Variants in GALNTL6 observed in about 807,000 individuals in gnomAD.
GALNTL6 encodes polypeptide N-acetylgalactosaminyltransferase-like 6.
A neutral mutation model predicts 73.7 loss-of-function variants in GALNTL6; 46 were observed. The ratio of observed to expected loss-of-function variants is 0.62; its 90% CI spans 0.49 to 0.80. The LOEUF is 0.80. GALNTL6 is among the 30% of genes least tolerant of loss of function. The pLI is 0.00. For missense variants in GALNTL6, 604 were observed against 755.0 expected (o/e 0.80, Z 2.34); for synonymous variants, 259 against 263.7 (o/e 0.98, Z 0.17).
chr4:171,979,395 A>G (rs1739822590), intron 2 of GALNTL6, among the ~76,000 whole-genome samples: 7 of 152,190 alleles, frequency 4.6e-5, no homozygotes, highest in Admixed American at 3.9e-4. Flanking sequence ...ATGTGAAAGA[A>G]AAAATATCGA....
intron 5 of GALNTL6, among the ~76,000 whole-genome samples, chr4:172,805,056 A>C (rs970757754): frequency 6.6e-6 from 1 of 152,208 alleles, no homozygotes; most frequent in African/African-American, 2.4e-5. Flanking sequence ...GGGAAATTAT[A>C]GAATTAGAAA....
chr4:172,854,185 T>C (rs532049213), intron 7 of GALNTL6, among the ~76,000 whole-genome samples: 37 of 152,262 alleles, frequency 2.4e-4, no homozygotes, highest in African/African-American at 3.6e-4. Flanking sequence ...AGAGGAAGAC[T>C]CCCCTCCTCG....
At chr4:172,860,397 A>G (rs1239404270) in intron 7 of GALNTL6, among the ~76,000 whole-genome samples, 1 of 152,222 alleles carries the variant, frequency 6.6e-6, no homozygotes, top group Non-Finnish European at 1.5e-5. Flanking sequence ...ATTGCTTCCA[A>G]ATACATTAAG....
At chr4:172,790,582 A>G (rs928100654) in intron 5 of GALNTL6, among the ~76,000 whole-genome samples, 3 of 152,180 alleles carry the variant, frequency 2.0e-5, no homozygotes, top group African/African-American at 4.8e-5. Context: ...AGTATGTAGT[A>G]TTTTATCATG....
At chr4:172,266,490 C>A (rs1738456317) in intron 3 of GALNTL6, 1 of 152,074 alleles carries the variant, frequency 6.6e-6, no homozygotes, top group African/African-American at 2.4e-5. Context: ...ACAAAGTAGA[C>A]AATATTTATA....
chr4:172,821,065 C>T (rs1741896524), intron 7 of GALNTL6, among the ~76,000 whole-genome samples: 1 of 152,146 alleles, frequency 6.6e-6, no homozygotes, highest in Non-Finnish European at 1.5e-5. Flanking sequence ...TTTCATGAAA[C>T]CTATGTAGTA....
intron 2 of GALNTL6, among the ~76,000 whole-genome samples, chr4:171,904,493 G>C (rs574307018): frequency 7.5e-4 from 114 of 152,328 alleles, no homozygotes; most frequent in African/African-American, 2.4e-3. Context: ...ATGGGACTAT[G>C]TGAAAAGACC....
At chr4:171,922,384 A>T (rs1737817928) in intron 2 of GALNTL6, among the ~76,000 whole-genome samples, 1 of 152,134 alleles carries the variant, frequency 6.6e-6, no homozygotes, top group Non-Finnish European at 1.5e-5. Flanking sequence ...ACCTCCAGAA[A>T]GTGAATCATT....
intron 5 of GALNTL6, among the ~76,000 whole-genome samples, chr4:172,427,132 G>T (rs1295428186): frequency 6.6e-6 from 1 of 152,040 alleles, no homozygotes; most frequent in Non-Finnish European, 1.5e-5. Context: ...AGAGAGAGAA[G>T]AAAAGGAAGA....
At chr4:172,895,419 A>C (rs1746273560) in intron 8 of GALNTL6, among the ~76,000 whole-genome samples, 1 of 146,212 alleles carries the variant, frequency 6.8e-6, no homozygotes, top group South Asian at 2.1e-4. Context: ...TTTTGCTTTC[A>C]GCACTCTGAA....
chr4:172,563,787 G>T (rs1736464204), intron 5 of GALNTL6, among the ~76,000 whole-genome samples: 1 of 152,014 alleles, frequency 6.6e-6, no homozygotes, highest in African/African-American at 2.4e-5. Context: ...TGAGGTTAAT[G>T]GAATAATATT....
At chr4:172,275,007 A>G (rs1462364505) in intron 3 of GALNTL6, among the ~76,000 whole-genome samples, 1 of 152,176 alleles carries the variant, frequency 6.6e-6, no homozygotes, top group Non-Finnish European at 1.5e-5. Flanking sequence ...TAATTAAAGT[A>G]TTGATTGAAT....
chr4:171,987,765 C>T (rs945520922), intron 2 of GALNTL6, among the ~76,000 whole-genome samples: 1 of 152,102 alleles, frequency 6.6e-6, no homozygotes, highest in African/African-American at 2.4e-5. Context: ...GCGATTAGGC[C>T]TGGTGGAACC....
At chr4:172,835,573 G>C in intron 7 of GALNTL6, among the ~76,000 whole-genome samples, 1 of 152,282 alleles carries the variant, frequency 6.6e-6, no homozygotes, top group South Asian at 2.1e-4. Context: ...AAAACCATGA[G>C]AGGCTTTTGG....
rs151301188 is a variant in GALNTL6 at position 172,729,411 on chromosome 4, G to T, written c.554-79950G>T. Among the ~76,000 whole-genome samples, 263 of 152,190 alleles carry T rather than the reference G, an allele frequency of 1.7e-3. 1 individual carries two copies. The highest frequency in any genetic ancestry group is 6.2e-3 in the African/African-American group (256 of 41,546). ...CATTTTGATTTAATTTTTATGTAGGGTAAGAGATAGGGATCTAGCTTTATT... is the reference window on the plus strand; with the variant it reads ...CATTTTGATTTAATTTTTATGTAGGTTAAGAGATAGGGATCTAGCTTTATT... On this transcript the variant is annotated intron_variant, in intron 5 of 12. Transcript: ENST00000506823.
chr4:172,253,425 G>A (rs762648317), intron 3 of GALNTL6, among the ~76,000 whole-genome samples: 10 of 151,884 alleles, frequency 6.6e-5, no homozygotes, highest in Non-Finnish European at 1.5e-4. Flanking sequence ...GTAAAGCCAG[G>A]GGAATCTCAT....
At chr4:172,605,647 G>A (rs372098351) in intron 5 of GALNTL6, among the ~76,000 whole-genome samples, 11 of 152,248 alleles carry the variant, frequency 7.2e-5, no homozygotes, top group African/African-American at 2.2e-4. Flanking sequence ...CATGAACAGG[G>A]AGACAGGGTT....
In GALNTL6 at chr4:172,001,808, G is replaced by A. The variant is rs77974213; in HGVS notation, c.138+187090G>A. On this transcript the variant is annotated intron_variant, in intron 2 of 12. Transcript: ENST00000506823. ...GGATCATTTCTGGATCACAGGAAACGTACATGAATTTTTCTCCTAGCCAAA... is the reference window on the plus strand; with the variant it reads ...GGATCATTTCTGGATCACAGGAAACATACATGAATTTTTCTCCTAGCCAAA... 2.0e-3 allele frequency among the ~76,000 whole-genome samples: 304 copies of A among 152,210 alleles called. 2 individuals carry two copies. Among genetic ancestry groups the A allele is most frequent in the African/African-American group, 6.9e-3 (287 of 41,556 alleles).
intron 7 of GALNTL6, among the ~76,000 whole-genome samples, chr4:172,880,126 A>G (rs2111185932): frequency 1.3e-5 from 2 of 152,146 alleles, no homozygotes; most frequent in East Asian, 3.9e-4. Flanking sequence ...CATACCTACT[A>G]TATGATCTAG....
Sources: gnomAD v4.1 joint callset for allele counts (sites outside exome capture counted in the v4.1 genomes callset) on GRCh38, gnomAD v4.1.1 for gene constraint, MANE v1.5 for transcripts, NCBI Gene and HGNC (gene_info 2026-07-23, HGNC 2026-07-21) for gene names.